ETS1: variants seen among roughly 807,000 people sequenced by gnomAD.
ETS1 encodes ETS proto-oncogene 1, transcription factor, also known as protein C-ets-1.
A neutral mutation model predicts 58.6 loss-of-function variants in ETS1; 15 were observed. The ratio of observed to expected loss-of-function variants is 0.26; its 90% CI spans 0.17 to 0.39. The LOEUF (loss-of-function observed/expected upper bound fraction) is 0.39, where lower values mean the gene tolerates loss of function less well. Ranked by LOEUF, ETS1 falls within the 10% of genes least tolerant of loss-of-function variation. The pLI is 1.00. For synonymous variants in ETS1, 214 were observed against 218.2 expected (o/e 0.98, Z 0.17); for missense variants, 417 against 610.5 (o/e 0.68, Z 3.34).
intron 8 of ETS1, among the ~76,000 whole-genome samples, chr11:128,478,564 A>T (rs1862398589): frequency 6.6e-6 from 1 of 152,228 alleles, no homozygotes; most frequent in Non-Finnish European, 1.5e-5. Context: ...TCTCTGCACC[A>T]CAAAAACAGA....
intron 8 of ETS1, among the ~76,000 whole-genome samples, chr11:128,465,918 C>T (rs746197829): frequency 5.9e-5 from 9 of 152,294 alleles, no homozygotes; most frequent in Admixed American, 2.0e-4. Context: ...GTGGAGTAGC[C>T]GGGACTGGAA....
chr11:128,569,345 T>G, intron 2 of ETS1, among the ~76,000 whole-genome samples: 3 of 142,908 alleles, frequency 2.1e-5, no homozygotes, highest in Non-Finnish European at 3.0e-5. Context: ...TTTTTTTTGG[T>G]GTGTCAGACT....
At chr11:128,479,799 T>C (rs941208696) in intron 8 of ETS1, among the ~76,000 whole-genome samples, 1 of 152,024 alleles carries the variant, frequency 6.6e-6, no homozygotes, top group Non-Finnish European at 1.5e-5. Flanking sequence ...CTTTGAGAGA[T>C]GCTGCTGCTG....
intron 2 of ETS1, among the ~76,000 whole-genome samples, chr11:128,558,845 A>G (rs1412397004): frequency 6.6e-6 from 1 of 152,194 alleles, no homozygotes; most frequent in East Asian, 1.9e-4. Context: ...TTTGAAACTG[A>G]ATCAGTTCAA....
chr11:128,556,253 A>T lies in ETS1; in HGVS notation c.214+38T>A. ...CTCATCACATTTCCATTGTCCTTCA[A>T]CTCTATCCTCATTCCCAGCTTTTGT... On this transcript the variant is annotated intron_variant, in intron 3 of 9. Transcript: ENST00000392668. 2.5e-6 allele frequency: 4 copies of T among 1,573,904 alleles called. No homozygotes were observed. The Middle Eastern group carries it at 5.1e-4, about 200-fold the overall frequency.
chr11:128,487,729 A>C (rs1862675174), intron 5 of ETS1, among the ~76,000 whole-genome samples: 1 of 152,098 alleles, frequency 6.6e-6, no homozygotes, highest in African/African-American at 2.4e-5. Flanking sequence ...ACAGAGCAAG[A>C]CTCTGTCTCA....
chr11:128,566,998 A>G (rs766423753), intron 2 of ETS1, among the ~76,000 whole-genome samples: 1 of 152,196 alleles, frequency 6.6e-6, no homozygotes, highest in Non-Finnish European at 1.5e-5. Context: ...GTGGAAATAG[A>G]GTCCTGTGGA....
At chr11:128,556,467 A>T in intron 2 of ETS1, 32 bp from the exon 3 acceptor site, 1 of 1,496,748 alleles carries the variant, frequency 6.7e-7, no homozygotes, top group South Asian at 1.3e-5. Context: ...AAAATATATT[A>T]GGAGGAAAAT....
chr11:128,585,155 A>G (rs1184884218), intron 1 of ETS1, among the ~76,000 whole-genome samples: 8 of 52,570 alleles, frequency 1.5e-4, no homozygotes, highest in African/African-American at 8.5e-4. Context: ...AAAGAAAGAA[A>G]GAAAGAAAGA....
chr11:128,538,939 G>A (rs775202092), intron 3 of ETS1, among the ~76,000 whole-genome samples: 14 of 152,186 alleles, frequency 9.2e-5, no homozygotes, highest in Non-Finnish European at 1.8e-4. Context: ...CTCTATCCAC[G>A]ACAGTGGACA....
intron 2 of ETS1, chr11:128,571,687 T>C (rs1434195219): frequency 1.3e-5 from 2 of 152,046 alleles, no homozygotes; most frequent in Non-Finnish European, 2.9e-5. Context: ...CGTTCTTGTT[T>C]ATTGGTGTTA....
chr11:128,519,889 T>C (rs1207248679), intron 3 of ETS1, among the ~76,000 whole-genome samples: 1 of 152,218 alleles, frequency 6.6e-6, no homozygotes, highest in Non-Finnish European at 1.5e-5. Context: ...GATTATAGTC[T>C]ATATATTTTT....
chr11:128,474,182 G>A (rs898329891), intron 8 of ETS1, among the ~76,000 whole-genome samples: 11 of 152,176 alleles, frequency 7.2e-5, no homozygotes, highest in African/African-American at 2.7e-4. Flanking sequence ...CAAAATCCAG[G>A]CACCCTCAAG....
chr11:128,511,502 A>G (rs982877615), intron 3 of ETS1, among the ~76,000 whole-genome samples: 11 of 152,270 alleles, frequency 7.2e-5, no homozygotes, highest in South Asian at 4.2e-4. Flanking sequence ...TCCAGAGCCT[A>G]TATCATAGTG....
At chr11:128,565,094 G>C (rs566221095) in intron 2 of ETS1, among the ~76,000 whole-genome samples, 1 of 150,934 alleles carries the variant, frequency 6.6e-6, no homozygotes, top group East Asian at 1.9e-4. Context: ...TTATGGATGT[G>C]TTCCCCCAAA....
intron 1 of ETS1, among the ~76,000 whole-genome samples, chr11:128,585,209 A>AG (rs1565422051): frequency 1.5e-5 from 2 of 133,892 alleles, no homozygotes; most frequent in South Asian, 2.5e-4. Context: ...AAAGAAAGAA[A>AG]GAAAGAAAGA....
At chr11:128,531,357 A>T (rs1189678416) in intron 3 of ETS1, among the ~76,000 whole-genome samples, 1 of 152,202 alleles carries the variant, frequency 6.6e-6, no homozygotes, top group Non-Finnish European at 1.5e-5. Context: ...ATGATGCAGA[A>T]TGAAGACTCA....
chr11:128,538,897 G>A (rs1318456501), intron 3 of ETS1, among the ~76,000 whole-genome samples: 2 of 152,174 alleles, frequency 1.3e-5, no homozygotes, highest in Non-Finnish European at 2.9e-5. Flanking sequence ...GATTAAGGAG[G>A]TAGTTCGTAG....
At chr11:128,472,514 A>G (rs181074123) in intron 8 of ETS1, among the ~76,000 whole-genome samples, 2 of 152,334 alleles carry the variant, frequency 1.3e-5, no homozygotes, top group East Asian at 3.9e-4. Context: ...TCAACAAGCC[A>G]TGTTTACAGC....
Sources: gnomAD v4.1 joint callset for allele counts (sites outside exome capture counted in the v4.1 genomes callset) on GRCh38, gnomAD v4.1.1 for gene constraint, MANE v1.5 for transcripts, NCBI Gene and HGNC (gene_info 2026-07-23, HGNC 2026-07-21) for gene names.